The following MLLT10 variants were observed in gnomAD, a reference collection of about 807,000 sequenced individuals.
The protein encoded by MLLT10 is protein AF-10.
Under a neutral mutation model 129.1 loss-of-function variants are expected in MLLT10, and 30 were observed. The ratio of observed to expected loss-of-function variants is 0.23; its 90% CI spans 0.17 to 0.32. The LOEUF is 0.32. Among genes scored for constraint, MLLT10 ranks in the 10% least tolerant of loss-of-function variants. MLLT10 has a pLI of 1.00. For missense variants in MLLT10, 1,119 were observed against 1,268.3 expected (o/e 0.88, Z 1.79); for synonymous variants, 490 against 446.4 (o/e 1.10, Z -1.23).
At chr10:21,585,441 C>A (rs11012746) in intron 3 of MLLT10, among the ~76,000 whole-genome samples, 38,729 of 151,918 alleles carry the variant, frequency 0.25, 6,210 homozygotes, top group African/African-American at 0.46. Context: ...ATTTTGAGTA[C>A]TATTGTATTT....
At chr10:21,556,382 A>G (rs184482017) in intron 3 of MLLT10, among the ~76,000 whole-genome samples, 2 of 152,282 alleles carry the variant, frequency 1.3e-5, no homozygotes, top group Non-Finnish European at 2.9e-5. Context: ...AGAGAGAAAT[A>G]TATCTGATCA....
At chr10:21,624,042 G>A (rs897355959) in intron 8 of MLLT10, among the ~76,000 whole-genome samples, 7 of 152,072 alleles carry the variant, frequency 4.6e-5, no homozygotes, top group African/African-American at 1.7e-4. Context: ...AACAAATTTT[G>A]TAGGGCAGAT....
At chr10:21,652,027 C>G (rs1221333109) in intron 9 of MLLT10, among the ~76,000 whole-genome samples, 1 of 150,728 alleles carries the variant, frequency 6.6e-6, no homozygotes. Context: ...ATTCTTCTGC[C>G]TCAGACTCCC....
chr10:21,699,642 C>T (rs1053809638), intron 13 of MLLT10, among the ~76,000 whole-genome samples: 30 of 151,254 alleles, frequency 2.0e-4, no homozygotes, highest in South Asian at 6.3e-4. Context: ...ATCCTTTCCT[C>T]GGTGTACGTA....
intron 9 of MLLT10, among the ~76,000 whole-genome samples, chr10:21,660,909 A>G (rs372677090): frequency 2.0e-5 from 3 of 149,450 alleles, no homozygotes; most frequent in Non-Finnish European, 4.4e-5. Flanking sequence ...TTGTTCTTCT[A>G]TCTTCTTTTC....
intron 8 of MLLT10, among the ~76,000 whole-genome samples, chr10:21,633,259 T>G (rs1312712345): frequency 6.6e-6 from 1 of 152,260 alleles, no homozygotes; most frequent in Non-Finnish European, 1.5e-5. Flanking sequence ...AAAACCTGGT[T>G]GTTTAGACAG....
chr10:21,561,012 A>G (rs2038732322), intron 3 of MLLT10, among the ~76,000 whole-genome samples: 2 of 152,188 alleles, frequency 1.3e-5, no homozygotes, highest in Admixed American at 1.3e-4. Flanking sequence ...TCTTAGATAC[A>G]TGATTTGTGA....
intron 4 of MLLT10, among the ~76,000 whole-genome samples, chr10:21,594,229 T>G (rs1271991191): frequency 3.3e-5 from 5 of 152,020 alleles, no homozygotes; most frequent in African/African-American, 4.8e-5. Flanking sequence ...TGTACATCCC[T>G]GTACTGTTAG....
intron 3 of MLLT10, among the ~76,000 whole-genome samples, chr10:21,569,312 T>A (rs1181958682): frequency 1.3e-5 from 2 of 152,110 alleles, no homozygotes; most frequent in Non-Finnish European, 2.9e-5. Flanking sequence ...TGGAGTGCAG[T>A]GGCATGCACA....
chr10:21,699,516 G>GT (rs2054693880), intron 13 of MLLT10, among the ~76,000 whole-genome samples: 1 of 152,060 alleles, frequency 6.6e-6, no homozygotes, highest in Non-Finnish European at 1.5e-5. Flanking sequence ...CAGGTCTTAT[G>GT]TTTAAGTCTG....
chr10:21,606,192 T>C (rs1564495422), intron 5 of MLLT10, among the ~76,000 whole-genome samples: 1 of 152,138 alleles, frequency 6.6e-6, no homozygotes, highest in Non-Finnish European at 1.5e-5. Flanking sequence ...CTCTCTACTC[T>C]CCTTAGGCCT....
chr10:21,614,282 A>G (rs1261814780), intron 6 of MLLT10, among the ~76,000 whole-genome samples: 1 of 146,242 alleles, frequency 6.8e-6, no homozygotes, highest in African/African-American at 2.5e-5. Context: ...CATTTCTTCC[A>G]TTGCTTTTTA....
chr10:21,541,796 G>C (rs1352754222), intron 3 of MLLT10, among the ~76,000 whole-genome samples: 1 of 152,186 alleles, frequency 6.6e-6, no homozygotes, highest in Non-Finnish European at 1.5e-5. Flanking sequence ...TTACAGGTGT[G>C]AGCATCCGTG....
At chr10:21,685,479 C>A (rs1344904116) in intron 13 of MLLT10, among the ~76,000 whole-genome samples, 1 of 152,040 alleles carries the variant, frequency 6.6e-6, no homozygotes. Flanking sequence ...GGATTACAGG[C>A]GCCCACCACC....
intron 3 of MLLT10, among the ~76,000 whole-genome samples, chr10:21,569,569 C>T (rs1443668344): frequency 3.3e-5 from 5 of 150,624 alleles, no homozygotes; most frequent in African/African-American, 7.3e-5. Context: ...TACTGTTGTG[C>T]GCCATCATGC....
chr10:21,610,765 G>A (rs189082481), intron 5 of MLLT10, among the ~76,000 whole-genome samples: 182 of 151,700 alleles, frequency 1.2e-3, no homozygotes, highest in African/African-American at 4.2e-3. Context: ...TTGCCATATA[G>A]AGTGTTACTG....
chr10:21,626,171 A>T, intron 8 of MLLT10: 1 of 1,608,526 alleles, frequency 6.2e-7, no homozygotes, highest in Non-Finnish European at 8.5e-7. Context: ...TTTGTTCTGA[A>T]CATGTGATAA....
At chr10:21,602,331 C>T (rs770371444) in intron 5 of MLLT10, among the ~76,000 whole-genome samples, 8 of 151,892 alleles carry the variant, frequency 5.3e-5, no homozygotes, top group Non-Finnish European at 1.2e-4. Flanking sequence ...CCAGCTGGCT[C>T]CCCCGTTATA....
At chr10:21,681,074 A>C (rs1330537560) in intron 11 of MLLT10, among the ~76,000 whole-genome samples, 1 of 152,038 alleles carries the variant, frequency 6.6e-6, no homozygotes, top group African/African-American at 2.4e-5. Flanking sequence ...GTAAGCCCTT[A>C]TGTCTTTTCC....
Sources: allele counts gnomAD v4.1 joint callset (sites outside exome capture counted in the v4.1 genomes callset), GRCh38; gene constraint gnomAD v4.1.1; transcripts MANE v1.5; gene names NCBI Gene and HGNC (gene_info 2026-07-23, HGNC 2026-07-21).